ANKRD11: variants seen among roughly 807,000 people sequenced by gnomAD.
The protein encoded by ANKRD11 is ankyrin repeat domain-containing protein 11.
A neutral mutation model predicts 195.7 loss-of-function variants in ANKRD11; 17 were observed. The observed-to-expected ratio is 0.09, with a 90% CI of 0.06 to 0.13. The LOEUF (loss-of-function observed/expected upper bound fraction) is 0.13, where lower values mean the gene tolerates loss of function less well. Among genes scored for constraint, ANKRD11 ranks in the 10% least tolerant of loss-of-function variants. The pLI, the probability that ANKRD11 is intolerant of heterozygous loss-of-function variation, is 1.00. For missense variants in ANKRD11, 3,735 were observed against 3,566.1 expected, an observed-to-expected ratio of 1.05 and a Z score of -1.21; for synonymous variants, 1,953 against 1,528.1, an observed-to-expected ratio of 1.28 and a Z score of -6.49.
At chr16:89,324,718 CTTG>C in intron 2 of ANKRD11, 1 of 340,400 alleles carries the variant, frequency 2.9e-6, no homozygotes, top group Non-Finnish European at 5.7e-6. Flanking sequence ...CTTTTGGGTT[CTTG>C]GACCTACACC....
At chr16:89,381,815 G>C (rs964594483) in intron 2 of ANKRD11, among the ~76,000 whole-genome samples, 1 of 152,184 alleles carries the variant, frequency 6.6e-6, no homozygotes, top group Non-Finnish European at 1.5e-5. Flanking sequence ...CCACGCGAAT[G>C]GGGGGAAGAG....
intron 1 of ANKRD11, among the ~76,000 whole-genome samples, chr16:89,462,085 T>C (rs374955254): frequency 6.6e-5 from 5 of 76,208 alleles, no homozygotes; most frequent in South Asian, 5.2e-4. Context: ...CCTCTCCCCA[T>C]GGTCTCCCTC....
intron 1 of ANKRD11, among the ~76,000 whole-genome samples, chr16:89,482,457 T>C (rs1018219348): frequency 7.9e-5 from 12 of 152,164 alleles, no homozygotes; most frequent in Non-Finnish European, 8.8e-5. Context: ...GGATCCCGGA[T>C]GGCATCTGAG....
At chr16:89,398,698 T>G (rs2041569255) in intron 2 of ANKRD11, among the ~76,000 whole-genome samples, 1 of 152,096 alleles carries the variant, frequency 6.6e-6, no homozygotes, top group African/African-American at 2.4e-5. Context: ...GCTATATGAC[T>G]GTGCCACTGC....
chr16:89,488,366 G>A (rs1392843076), intron 1 of ANKRD11, among the ~76,000 whole-genome samples: 1 of 152,020 alleles, frequency 6.6e-6, no homozygotes, highest in Non-Finnish European at 1.5e-5. Context: ...ACAGCTGAAT[G>A]GAGGGTAGGG....
At chr16:89,338,205 T>G (rs2038474578) in intron 2 of ANKRD11, among the ~76,000 whole-genome samples, 1 of 151,358 alleles carries the variant, frequency 6.6e-6, no homozygotes, top group African/African-American at 2.4e-5. Flanking sequence ...TGCCGGGGGG[T>G]GGGACCTCTG....
intron 2 of ANKRD11, among the ~76,000 whole-genome samples, chr16:89,402,007 G>A (rs2152166883): frequency 6.6e-6 from 1 of 151,470 alleles, no homozygotes; most frequent in South Asian, 2.1e-4. Context: ...AGAGCCGTGG[G>A]AGAACAGATC....
intron 1 of ANKRD11, among the ~76,000 whole-genome samples, chr16:89,470,677 C>CT (rs987834166): frequency 4.6e-5 from 7 of 152,062 alleles, no homozygotes; most frequent in African/African-American, 1.4e-4. Flanking sequence ...AACCCAGTCT[C>CT]TACTAAAAAT....
At chr16:89,365,245 C>T (rs200375531) in intron 2 of ANKRD11, among the ~76,000 whole-genome samples, 1 of 152,168 alleles carries the variant, frequency 6.6e-6, no homozygotes, top group Non-Finnish European at 1.5e-5. Context: ...TTGTAGAAAA[C>T]CTCAGATTCT....
At chr16:89,331,142 T>G (rs777751293) in intron 2 of ANKRD11, among the ~76,000 whole-genome samples, 2 of 152,062 alleles carry the variant, frequency 1.3e-5, no homozygotes, top group Non-Finnish European at 2.9e-5. Flanking sequence ...TGAGGAGAGA[T>G]GGGGTTTCGC....
chr16:89,278,455 G>A (rs1048226250), intron 9 of ANKRD11: 2 of 449,088 alleles, frequency 4.5e-6, no homozygotes, highest in East Asian at 7.0e-5. Context: ...GGAGCTGGGG[G>A]AGTGGGGGTG....
chr16:89,461,317 T>C (rs2152332987), intron 1 of ANKRD11, among the ~76,000 whole-genome samples: 3 of 151,718 alleles, frequency 2.0e-5, no homozygotes, highest in Admixed American at 2.0e-4. Context: ...GGGTAGCCGG[T>C]GTCGTCTGGG....
chr16:89,455,713 T>A (rs1332233110), intron 1 of ANKRD11, among the ~76,000 whole-genome samples: 2 of 152,302 alleles, frequency 1.3e-5, no homozygotes, highest in East Asian at 3.9e-4. Context: ...CCCCCATTGC[T>A]GGTACAAAAG....
chr16:89,310,894 C>A (rs1292453082), intron 3 of ANKRD11, among the ~76,000 whole-genome samples: 1 of 152,210 alleles, frequency 6.6e-6, no homozygotes, highest in African/African-American at 2.4e-5. Context: ...CCTCTTCAGT[C>A]TGACTTTCGT....
At chr16:89,273,595 G>A (rs1245249523) in intron 11 of ANKRD11, among the ~76,000 whole-genome samples, 1 of 152,066 alleles carries the variant, frequency 6.6e-6, no homozygotes, top group African/African-American at 2.4e-5. Context: ...TACTCGGGAG[G>A]CTGAGGCAGG....
intron 12 of ANKRD11, among the ~76,000 whole-genome samples, 170 bp from the exon 13 acceptor site, chr16:89,268,833 G>A (rs912822054): frequency 9.2e-5 from 14 of 152,356 alleles, no homozygotes; most frequent in East Asian, 3.9e-4. Context: ...TACACGTGGC[G>A]GTAGCGCCAG....
chr16:89,321,311 C>T (rs974638204), intron 2 of ANKRD11: 4 of 152,340 alleles, frequency 2.6e-5, no homozygotes, highest in African/African-American at 9.7e-5. Context: ...GAATCCGGCG[C>T]TGCCTCTCCC....
chr16:89,474,393 G>C (rs1567855558), intron 1 of ANKRD11, among the ~76,000 whole-genome samples: 1 of 151,758 alleles, frequency 6.6e-6, no homozygotes. Flanking sequence ...AAGGTGGAAG[G>C]AATGACTGAG....
chr16:89,354,929 C>T (rs1297175908), intron 2 of ANKRD11, among the ~76,000 whole-genome samples: 1 of 152,122 alleles, frequency 6.6e-6, no homozygotes, highest in Non-Finnish European at 1.5e-5. Context: ...GTTCTTCTAG[C>T]TCCTTTGGCA....
Sources: allele counts gnomAD v4.1 joint callset (sites outside exome capture counted in the v4.1 genomes callset), GRCh38; gene constraint gnomAD v4.1.1; transcripts MANE v1.5; gene names NCBI Gene and HGNC (gene_info 2026-07-23, HGNC 2026-07-21).